FHIT: variants seen among roughly 807,000 people sequenced by gnomAD.
FHIT encodes the protein bis(5'-adenosyl)-triphosphatase.
Under a neutral mutation model 17.9 loss-of-function variants are expected in FHIT, and 19 were observed. The observed-to-expected ratio is 1.06, with a 90% confidence interval of 0.74 to 1.56. The LOEUF is 1.56. Among genes scored for constraint, FHIT ranks in the 40% most tolerant of loss-of-function variants. The pLI is 0.00. For missense variants in FHIT, 248 were observed against 189.2 expected (o/e 1.31, Z -1.82); for synonymous variants, 81 against 69.7 (o/e 1.16, Z -0.81).
At chr3:60,543,675 T>C (rs2036258476) in intron 4 of FHIT, among the ~76,000 whole-genome samples, 1 of 152,162 alleles carries the variant, frequency 6.6e-6, no homozygotes. Flanking sequence ...TTTTCTACGT[T>C]CTTATAGCTG....
intron 5 of FHIT, among the ~76,000 whole-genome samples, chr3:60,228,225 A>G (rs1704309015): frequency 6.6e-6 from 1 of 152,214 alleles, no homozygotes; most frequent in Admixed American, 6.5e-5. Context: ...ATACTGTATG[A>G]TCCCATTTAT....
chr3:60,608,366 T>TC (rs1185893416), intron 4 of FHIT, among the ~76,000 whole-genome samples: 4 of 152,164 alleles, frequency 2.6e-5, no homozygotes, highest in Non-Finnish European at 5.9e-5. Flanking sequence ...TGGACTGTTC[T>TC]CCCCTTCCAC....
chr3:59,902,647 A>T (rs1704384897), intron 8 of FHIT, among the ~76,000 whole-genome samples: 1 of 152,178 alleles, frequency 6.6e-6, no homozygotes, highest in South Asian at 2.1e-4. Context: ...ATTCGCAAAA[A>T]CATGATAAAA....
At chr3:60,326,021 G>T (rs1309044624) in intron 5 of FHIT, among the ~76,000 whole-genome samples, 1 of 152,086 alleles carries the variant, frequency 6.6e-6, no homozygotes, top group African/African-American at 2.4e-5. Context: ...ACACAGAAGA[G>T]ATAAGAACTT....
intron 4 of FHIT, among the ~76,000 whole-genome samples, chr3:60,638,429 G>T (rs2039643004): frequency 6.6e-6 from 1 of 152,064 alleles, no homozygotes; most frequent in South Asian, 2.1e-4. Context: ...GTGAATCTAG[G>T]ATCAATCCTA....
At chr3:61,184,435 C>A (rs1320023192) in intron 2 of FHIT, among the ~76,000 whole-genome samples, 1 of 152,084 alleles carries the variant, frequency 6.6e-6, no homozygotes, top group Non-Finnish European at 1.5e-5. Flanking sequence ...AGAGAGTCCT[C>A]CAGAGCTCCA....
chr3:59,930,512 G>C (rs960543382), intron 7 of FHIT, among the ~76,000 whole-genome samples: 1 of 152,136 alleles, frequency 6.6e-6, no homozygotes, highest in African/African-American at 2.4e-5. Context: ...GAACAAGCCT[G>C]GTATGGCCAA....
intron 5 of FHIT, among the ~76,000 whole-genome samples, chr3:60,424,605 A>C (rs1326998650): frequency 6.6e-6 from 1 of 152,068 alleles, no homozygotes. Flanking sequence ...ACACCCACAC[A>C]CACACAAACA....
chr3:60,353,395 G>A (rs1302309560), intron 5 of FHIT, among the ~76,000 whole-genome samples: 2 of 152,100 alleles, frequency 1.3e-5, no homozygotes, highest in Admixed American at 1.3e-4. Flanking sequence ...CCAGTAGAGG[G>A]TCTACTAAAA....
intron 5 of FHIT, among the ~76,000 whole-genome samples, chr3:60,212,818 A>G (rs959772365): frequency 6.6e-6 from 1 of 152,192 alleles, no homozygotes; most frequent in East Asian, 1.9e-4. Context: ...TAGACAAAGA[A>G]AAAGGACATG....
rs563967174 is a variant in FHIT, at chr3:60,013,886, G to A, written c.249+121C>T. 9.8e-6 allele frequency: 10 copies of A among 1,017,318 alleles called. No homozygotes were observed. The African/African-American group carries it at 1.5e-4, about 15-fold the overall frequency. 63.0% of individuals were successfully genotyped at this position (1,017,318 alleles called of 1,614,324 possible). A position where few individuals can be genotyped will look rare whatever the true frequency, so the allele number is the denominator to read the frequency against. Reference sequence around the variant, plus strand: ...CCCTGCATTAGAAATCTCTTTTTTTGGCTGCTACCTAAAATACAAACAATC... The same window carrying A: ...CCCTGCATTAGAAATCTCTTTTTTTAGCTGCTACCTAAAATACAAACAATC... On this transcript the variant is annotated intron_variant, in intron 6 of 9. Transcript: ENST00000492590.
chr3:60,873,042 G>A (rs1327054990), intron 3 of FHIT, among the ~76,000 whole-genome samples: 6 of 152,050 alleles, frequency 3.9e-5, no homozygotes, highest in African/African-American at 1.4e-4. Context: ...GTCTCTGAAT[G>A]ATGAAAAAAC....
At chr3:60,935,088 A>G (rs1708131497) in intron 3 of FHIT, among the ~76,000 whole-genome samples, 1 of 152,224 alleles carries the variant, frequency 6.6e-6, no homozygotes, top group Admixed American at 6.5e-5. Flanking sequence ...GATGGACACC[A>G]TAAAAGCTGA....
intron 2 of FHIT, among the ~76,000 whole-genome samples, chr3:61,064,714 G>C (rs187025023): frequency 6.6e-6 from 1 of 152,170 alleles, no homozygotes; most frequent in Non-Finnish European, 1.5e-5. Context: ...TTTAAATTAT[G>C]CTGTTAGCTT....
intron 4 of FHIT, among the ~76,000 whole-genome samples, chr3:60,652,095 C>T (rs1489243854): frequency 6.6e-6 from 1 of 152,054 alleles, no homozygotes; most frequent in Non-Finnish European, 1.5e-5. Flanking sequence ...CCTGGTTATT[C>T]CAGAAAGAAT....
chr3:61,162,396 T>C lies in FHIT; in HGVS notation c.-164+38221A>G, dbSNP rs564585298. ...GTAGTCATAGGCCATCTGTTAAACTTGTGTTTAAAGGGAAGTACCAAGGTA... is the reference window on the plus strand; with the variant it reads ...GTAGTCATAGGCCATCTGTTAAACTCGTGTTTAAAGGGAAGTACCAAGGTA... On this transcript the variant is annotated intron_variant, in intron 2 of 9. Coordinates refer to ENST00000492590, the MANE Select transcript of FHIT (RefSeq NM_002012.4). Among the ~76,000 whole-genome samples the C allele has an allele frequency of 7.9e-5, 12 of 152,268 alleles. 1 individual carries two copies. Among genetic ancestry groups the C allele is most frequent in the African/African-American group, 2.9e-4 (12 of 41,558 alleles).
intron 5 of FHIT, among the ~76,000 whole-genome samples, chr3:60,524,201 C>G (rs1396469789): frequency 1.6e-3 from 1 of 630 alleles, no homozygotes; most frequent in African/African-American, 2.2e-3. Context: ...GCCTGAGACA[C>G]ACACACACAC....
At chr3:60,930,365 T>C (rs374913479) in intron 3 of FHIT, among the ~76,000 whole-genome samples, 57 of 152,088 alleles carry the variant, frequency 3.7e-4, no homozygotes, top group African/African-American at 1.2e-3. Context: ...AATTGACAAA[T>C]GGGATCTAAT....
At chr3:60,395,604 C>T (rs1701408034) in intron 5 of FHIT, among the ~76,000 whole-genome samples, 1 of 151,942 alleles carries the variant, frequency 6.6e-6, no homozygotes, top group African/African-American at 2.4e-5. Context: ...CTTCCAAAGG[C>T]TAATTTGTGC....
Sources: allele counts gnomAD v4.1 joint callset (sites outside exome capture counted in the v4.1 genomes callset), GRCh38; gene constraint gnomAD v4.1.1; transcripts MANE v1.5; gene names NCBI Gene and HGNC (gene_info 2026-07-23, HGNC 2026-07-21).